PCSK6: variants seen among roughly 807,000 people sequenced by gnomAD.
PCSK6 encodes the protein paired basic amino acid cleaving enzyme 4.
In PCSK6, 85 loss-of-function variants were observed where a neutral mutation model predicts 123.3. The ratio of observed to expected loss-of-function variants is 0.69; its 90% CI spans 0.58 to 0.83. The LOEUF is 0.83. Among genes scored for constraint, PCSK6 ranks in the 40% least tolerant of loss-of-function variants. The pLI is 0.00. For synonymous variants in PCSK6, 508 were observed against 516.0 expected (o/e 0.98, Z 0.21); for missense variants, 1,191 against 1,282.3 (o/e 0.93, Z 1.09).
intron 13 of PCSK6, among the ~76,000 whole-genome samples, chr15:101,349,027 G>C (rs1182001043): frequency 6.6e-6 from 1 of 152,246 alleles, no homozygotes; most frequent in African/African-American, 2.4e-5. Context: ...GTTCTGACTA[G>C]ACCTTCCTTG....
At chr15:101,422,555 A>G (rs2056115998) in intron 6 of PCSK6, among the ~76,000 whole-genome samples, 1 of 152,226 alleles carries the variant, frequency 6.6e-6, no homozygotes, top group African/African-American at 2.4e-5. Context: ...TCAGAAAGAT[A>G]GCAAACATTA....
chr15:101,478,270 T>C (rs752963741), intron 1 of PCSK6, among the ~76,000 whole-genome samples: 24 of 152,126 alleles, frequency 1.6e-4, no homozygotes, highest in Admixed American at 3.3e-4. Flanking sequence ...GGGGCAATCA[T>C]CAGCAGTGCC....
At chr15:101,307,468 T>G in intron 20 of PCSK6, 143 bp from the exon 21 acceptor site, 5 of 613,694 alleles carry the variant, frequency 8.1e-6, no homozygotes, top group Non-Finnish European at 1.5e-5. Context: ...TCGCCCACCA[T>G]TCCCTGACAC....
chr15:101,400,025 TTTC>T (rs2042539696), intron 6 of PCSK6, among the ~76,000 whole-genome samples: 1 of 152,194 alleles, frequency 6.6e-6, no homozygotes, highest in South Asian at 2.1e-4. Flanking sequence ...GCTATTTTCT[TTTC>T]TTTTTTTGCT....
intron 1 of PCSK6, among the ~76,000 whole-genome samples, chr15:101,444,861 G>C (rs1287582594): frequency 3.9e-5 from 6 of 152,166 alleles, no homozygotes; most frequent in African/African-American, 1.4e-4. Context: ...GGAGGGACTT[G>C]GATGCTGTGG....
At chr15:101,356,225 C>T (rs1049849612) in intron 13 of PCSK6, among the ~76,000 whole-genome samples, 5 of 152,182 alleles carry the variant, frequency 3.3e-5, no homozygotes, top group East Asian at 1.9e-4. Flanking sequence ...CAGCTCCGTT[C>T]GTAGCCTTGC....
At chr15:101,363,660 C>T (rs995400921) in intron 13 of PCSK6, among the ~76,000 whole-genome samples, 3 of 151,196 alleles carry the variant, frequency 2.0e-5, no homozygotes, top group Non-Finnish European at 2.9e-5. Flanking sequence ...GACGGAGTCT[C>T]GCTCTGTCAC....
At chr15:101,486,748 GAAAGTA>G (rs776016409) in intron 1 of PCSK6, among the ~76,000 whole-genome samples, 4 of 152,162 alleles carry the variant, frequency 2.6e-5, no homozygotes, top group Admixed American at 6.5e-5. Context: ...TTGTATGGAA[GAAAGTA>G]AAACAAGCAA....
Position 101,393,303 on chromosome 15 carries a change from G to A in PCSK6, c.1118C>T (p.Thr373Ile). 1 of 1,612,664 alleles carries A rather than the reference G, an allele frequency of 6.2e-7. No homozygotes were observed. The highest frequency in any genetic ancestry group is 1.1e-5 in the South Asian group (1 of 91,016). The change falls in exon 8 of 22, where the codon ACC (threonine) becomes ATC (isoleucine). Residue 373 changes from threonine (T) to isoleucine (I), a missense_variant. By Grantham distance (89) the Thr-to-Ile change is moderately conservative. Transcript: ENST00000611716. ...GTACCAGGGCTTGTAGCCATTCTCG[G>A]TGGCGCTGCTGACGGAGATGGTGTA... ...SIYTISVSSA[T>I]ENGYKPWYLE...
At chr15:101,314,130 G>A (rs1029753444) in intron 19 of PCSK6, among the ~76,000 whole-genome samples, 2 of 152,172 alleles carry the variant, frequency 1.3e-5, no homozygotes, top group Admixed American at 6.5e-5. Context: ...CAGCCAGGGC[G>A]TTTTCAACAA....
chr15:101,480,841 A>G (rs1567256771), intron 1 of PCSK6, among the ~76,000 whole-genome samples: 1 of 152,204 alleles, frequency 6.6e-6, no homozygotes, highest in African/African-American at 2.4e-5. Context: ...GGCAGGGCCT[A>G]TCGAGTGACT....
intron 11 of PCSK6, among the ~76,000 whole-genome samples, chr15:101,376,940 C>T (rs2041763777): frequency 6.6e-6 from 1 of 152,210 alleles, no homozygotes; most frequent in African/African-American, 2.4e-5. Flanking sequence ...ACACAGAGGT[C>T]AGATGCCCTG....
At chr15:101,375,281 C>A (rs1007200587) in intron 11 of PCSK6, among the ~76,000 whole-genome samples, 2 of 151,256 alleles carry the variant, frequency 1.3e-5, no homozygotes, top group East Asian at 4.0e-4. Flanking sequence ...CAAACCATAG[C>A]ACATCACTTA....
chr15:101,489,411 C>T lies in PCSK6; in HGVS notation c.260G>A (p.Arg87His), dbSNP rs1183535389. The T allele has an allele frequency of 7.8e-7, 1 of 1,278,500 alleles. No homozygotes were observed. The highest frequency in any genetic ancestry group is 1.0e-6 in the Non-Finnish European group (1 of 998,938). The allele number at this position is 1,278,500 out of a possible 1,614,324, so 79.2% of individuals were successfully genotyped here. A position where few individuals can be genotyped will look rare whatever the true frequency, so the allele number is the denominator to read the frequency against. Residue 87 changes from arginine to histidine, a missense_variant, in exon 1 of 22, where the codon CGC (arginine) becomes CAC (histidine). Arg to His is a conservative substitution (Grantham distance 29). Coordinates refer to ENST00000611716, the MANE Select transcript of PCSK6 (RefSeq NM_002570.5). Reference sequence around the variant, plus strand: ...GAGGTACCCGTGCGCCGCCGCCACGCGGTCCGCCTCGGCCGGGCCGCCCAG... The same window carrying T: ...GAGGTACCCGTGCGCCGCCGCCACGTGGTCCGCCTCGGCCGGGCCGCCCAG... ...QVLGGPAEAD[R>H]VAAAHGYLNL...
chr15:101,442,585 G>A (rs1258902273), intron 2 of PCSK6, among the ~76,000 whole-genome samples: 1 of 152,044 alleles, frequency 6.6e-6, no homozygotes, highest in African/African-American at 2.4e-5. Flanking sequence ...GTGGGTTGGG[G>A]CAACACCAAG....
intron 1 of PCSK6, among the ~76,000 whole-genome samples, chr15:101,457,436 C>A (rs375629272): frequency 2.0e-5 from 3 of 152,220 alleles, no homozygotes; most frequent in East Asian, 1.9e-4. Context: ...GCCTGGCACA[C>A]AGAGAGCAGC....
chr15:101,479,821 G>A (rs771016375), intron 1 of PCSK6, among the ~76,000 whole-genome samples: 28 of 152,246 alleles, frequency 1.8e-4, no homozygotes, highest in Admixed American at 1.7e-3. Flanking sequence ...GTCCGGCAAT[G>A]ATCAGGGAGG....
intron 1 of PCSK6, among the ~76,000 whole-genome samples, chr15:101,482,536 G>A (rs1272801401): frequency 1.3e-5 from 2 of 152,156 alleles, no homozygotes; most frequent in African/African-American, 4.8e-5. Flanking sequence ...GAGGCTCAGA[G>A]ATCCAAAAAA....
chr15:101,345,056 A>G (rs1268959205), intron 13 of PCSK6, among the ~76,000 whole-genome samples: 3 of 152,186 alleles, frequency 2.0e-5, no homozygotes. Flanking sequence ...TGTGGGTTCT[A>G]GTTACACAGC....
Sources: gnomAD v4.1 joint callset for allele counts (sites outside exome capture counted in the v4.1 genomes callset) on GRCh38, gnomAD v4.1.1 for gene constraint, MANE v1.5 for transcripts, NCBI Gene and HGNC (gene_info 2026-07-23, HGNC 2026-07-21) for gene names.